The following CPVL variants were observed in gnomAD, a reference collection of about 807,000 sequenced individuals.
CPVL encodes the protein probable serine carboxypeptidase CPVL.
CPVL carries 51 observed loss-of-function variants against 63.7 expected under a neutral mutation model. That is an observed-to-expected ratio of 0.80 (90% CI 0.64 to 1.01). The LOEUF (loss-of-function observed/expected upper bound fraction) is 1.01, where lower values mean the gene tolerates loss of function less well. CPVL is among the 50% of genes least tolerant of loss of function. The pLI is 0.00. For synonymous variants in CPVL, 195 were observed against 206.0 expected, an observed-to-expected ratio of 0.95 and a Z score of 0.46; for missense variants, 530 against 573.1, an observed-to-expected ratio of 0.92 and a Z score of 0.77.
intron 8 of CPVL, 27 bp from the exon 9 acceptor site, chr7:29,071,931 T>G: frequency 6.2e-7 from 1 of 1,613,546 alleles, no homozygotes; most frequent in Non-Finnish European, 8.5e-7. Context: ...CACACATCAA[T>G]GTGACAAAGG....
At chr7:29,086,163 G>A (rs1383081237) in intron 7 of CPVL, among the ~76,000 whole-genome samples, 1 of 152,024 alleles carries the variant, frequency 6.6e-6, no homozygotes, top group African/African-American at 2.4e-5. Flanking sequence ...ATGGTGGCAG[G>A]CGCCTGTAAT....
intron 12 of CPVL, among the ~76,000 whole-genome samples, chr7:29,003,721 G>A (rs1412899582): frequency 6.6e-6 from 1 of 152,208 alleles, no homozygotes; most frequent in Non-Finnish European, 1.5e-5. Flanking sequence ...GACCAATTTT[G>A]TGGGAGACGG....
chr7:29,040,519 C>T (rs1170423439), intron 11 of CPVL, among the ~76,000 whole-genome samples: 1 of 152,140 alleles, frequency 6.6e-6, no homozygotes, highest in African/African-American at 2.4e-5. Context: ...CTCAGGAGGC[C>T]TGAGTCCCCA....
intron 12 of CPVL, among the ~76,000 whole-genome samples, chr7:29,025,985 C>T (rs1787454488): frequency 6.6e-6 from 1 of 152,138 alleles, no homozygotes; most frequent in Admixed American, 6.5e-5. Context: ...CAGACATTTA[C>T]AGAACATGTT....
chr7:29,172,575 C>G (rs1175986990), intron 5 of CPVL, among the ~76,000 whole-genome samples: 1 of 152,134 alleles, frequency 6.6e-6, no homozygotes, highest in South Asian at 2.1e-4. Context: ...CATGTTAACA[C>G]CCTCCAGATA....
chr7:29,192,870 A>G (rs1783071451), intron 1 of CPVL: 1 of 152,224 alleles, frequency 6.6e-6, no homozygotes, highest in Non-Finnish European at 1.5e-5. Context: ...TCCACCATCT[A>G]AAGATCTGGG....
intron 11 of CPVL, among the ~76,000 whole-genome samples, chr7:29,051,260 T>A (rs1181582495): frequency 2.0e-5 from 3 of 152,144 alleles, no homozygotes; most frequent in Non-Finnish European, 2.9e-5. Context: ...TGGGACTTAA[T>A]TAAACAAAAG....
At chr7:29,076,392 C>A (rs991249918) in intron 7 of CPVL, among the ~76,000 whole-genome samples, 1 of 152,018 alleles carries the variant, frequency 6.6e-6, no homozygotes, top group Admixed American at 6.6e-5. Context: ...TGGGATCAGA[C>A]CCTGGTCTCA....
At chr7:29,125,056 CT>C (rs1024023127) in intron 1 of CPVL, 30 of 152,120 alleles carry the variant, frequency 2.0e-4, no homozygotes, top group Admixed American at 2.0e-3. Flanking sequence ...AGTAAATTTT[CT>C]CTTCGGCAAA....
At chr7:29,040,914 T>C (rs988237963) in intron 11 of CPVL, among the ~76,000 whole-genome samples, 1 of 152,124 alleles carries the variant, frequency 6.6e-6, no homozygotes, top group Non-Finnish European at 1.5e-5. Context: ...TGCAATGATC[T>C]TTGGAAAAAA....
intron 12 of CPVL, among the ~76,000 whole-genome samples, chr7:29,015,089 ATGT>A (rs1224478911): frequency 6.6e-6 from 1 of 152,244 alleles, no homozygotes; most frequent in Non-Finnish European, 1.5e-5. Context: ...ACAAAAGTTA[ATGT>A]GAGTTTTAGA....
chr7:29,023,451 T>G (rs2128145292), intron 12 of CPVL, among the ~76,000 whole-genome samples: 1 of 152,236 alleles, frequency 6.6e-6, no homozygotes, highest in Admixed American at 6.5e-5. Flanking sequence ...ATGATTCAAT[T>G]ACCTCCCACC....
rs191057512 is a variant in CPVL, at chr7:29,028,698, C to T, written c.1320+1879G>A. ...GTGAGAAAAGGGCCAGGCGTGGTGG[C>T]TCAAGCCTGTAATCCCAGCACCTGG... On this transcript the variant is annotated intron_variant, in intron 12 of 12. Coordinates refer to ENST00000265394, the MANE Select transcript of CPVL (RefSeq NM_031311.5). Among the ~76,000 whole-genome samples, 7 of 151,736 alleles carry T rather than the reference C, an allele frequency of 4.6e-5. No homozygotes were observed. The East Asian group carries it at 1.2e-3, about 25-fold the overall frequency.
At chr7:29,160,988 G>C (rs1257269703) in intron 5 of CPVL, among the ~76,000 whole-genome samples, 3 of 152,024 alleles carry the variant, frequency 2.0e-5, no homozygotes, top group African/African-American at 7.3e-5. Flanking sequence ...TCCTCTGATT[G>C]AGTTTTTCCT....
intron 1 of CPVL, among the ~76,000 whole-genome samples, chr7:29,123,584 T>C (rs1311837184): frequency 9.7e-6 from 1 of 102,924 alleles, no homozygotes; most frequent in Non-Finnish European, 1.8e-5. Context: ...AATCTTACTC[T>C]CTAACTGGTT....
chr7:29,042,548 T>C (rs1414131358), intron 11 of CPVL, among the ~76,000 whole-genome samples: 2 of 152,102 alleles, frequency 1.3e-5, no homozygotes, highest in Admixed American at 1.3e-4. Flanking sequence ...GAGGTTGCAG[T>C]GAGCTATGAT....
chr7:29,190,948 T>TC (rs1279953992), intron 1 of CPVL, among the ~76,000 whole-genome samples: 1 of 151,870 alleles, frequency 6.6e-6, no homozygotes, highest in African/African-American at 2.4e-5. Flanking sequence ...TTTTTTTTTT[T>TC]CCCTGAGACA....
At chr7:29,167,317 A>G (rs1321395766) in intron 5 of CPVL, among the ~76,000 whole-genome samples, 1 of 152,228 alleles carries the variant, frequency 6.6e-6, no homozygotes, top group Non-Finnish European at 1.5e-5. Context: ...AAATTCAACC[A>G]GATGAACATG....
exon 2 of CPVL, chr7:29,186,530 G>C (rs950693322): frequency 6.6e-6 from 1 of 151,818 alleles, no homozygotes; most frequent in Non-Finnish European, 1.5e-5. Context: ...AGCTGTGATC[G>C]TGTCACTGTA....
Sources: gnomAD v4.1 joint callset for allele counts (sites outside exome capture counted in the v4.1 genomes callset) on GRCh38, gnomAD v4.1.1 for gene constraint, MANE v1.5 for transcripts, NCBI Gene and HGNC (gene_info 2026-07-23, HGNC 2026-07-21) for gene names.